Variants in PTH2R observed in about 807,000 individuals in gnomAD.
PTH2R encodes parathyroid hormone 2 receptor, also known as PTH2 receptor.
PTH2R carries 59 observed loss-of-function variants against 60.3 expected under a neutral mutation model. That is an observed-to-expected ratio of 0.98 (90% confidence interval 0.79 to 1.22). The LOEUF (loss-of-function observed/expected upper bound fraction) is 1.22. PTH2R is among the 50% of genes most tolerant of loss of function. The pLI is 0.00. For missense variants in PTH2R, 749 were observed against 682.6 expected (o/e 1.10, Z -1.08); for synonymous variants, 256 against 243.8 (o/e 1.05, Z -0.47).
intron 1 of PTH2R, among the ~76,000 whole-genome samples, chr2:208,375,875 G>A (rs548213326): frequency 6.6e-6 from 1 of 152,228 alleles, no homozygotes; most frequent in African/African-American, 2.4e-5. Context: ...GAGTAAGAGA[G>A]AGCTGGCTCC....
intron 7 of PTH2R, among the ~76,000 whole-genome samples, chr2:208,449,438 GATAGATAGATAGATAA>G (rs1322849881): frequency 8.7e-4 from 2 of 2,288 alleles, no homozygotes; most frequent in African/African-American, 1.9e-3. Flanking sequence ...GGAGAAATGT[GATAGATAGATAGATAA>G]ATAGATAGAT....
At chr2:208,370,638 T>C (rs1700683066) in intron 1 of PTH2R, among the ~76,000 whole-genome samples, 2 of 151,860 alleles carry the variant, frequency 1.3e-5, no homozygotes, top group African/African-American at 4.9e-5. Context: ...TGCAGATCTC[T>C]TACCTCCCAG....
At chr2:208,440,897 C>T (rs999580601) in intron 4 of PTH2R, among the ~76,000 whole-genome samples, 1 of 152,168 alleles carries the variant, frequency 6.6e-6, no homozygotes, top group African/African-American at 2.4e-5. Context: ...ACAGGGCTCT[C>T]ACAGAGTGAA....
intron 8 of PTH2R, among the ~76,000 whole-genome samples, chr2:208,458,091 T>C (rs1702550755): frequency 6.6e-6 from 1 of 152,210 alleles, no homozygotes; most frequent in Non-Finnish European, 1.5e-5. Context: ...TACTAGTTTC[T>C]TATCATTTCT....
chr2:208,363,374 C>G (rs930106775), intron 1 of PTH2R, among the ~76,000 whole-genome samples: 1 of 152,168 alleles, frequency 6.6e-6, no homozygotes, highest in African/African-American at 2.4e-5. Context: ...CTTCTTATAG[C>G]TGTGGTGTAT....
Position 208,485,315 on chromosome 2 carries a change from G to A in PTH2R, c.1077-3697G>A, listed in dbSNP as rs527578404. Among the ~76,000 whole-genome samples, 44 of 152,200 alleles carry A rather than the reference G, an allele frequency of 2.9e-4. No individual in the cohort carries two copies. In the South Asian group the frequency reaches 7.1e-3, roughly 24 times the overall value. The stretch of plus-strand genomic sequence containing the variant: ...CACCTGACTTCTTTGCATTCCTCTC[G>A]TGGCTTTGCCCTTGGACACAGACCA... On this transcript the variant is annotated intron_variant, in intron 10 of 12. Coordinates refer to ENST00000272847, the MANE Select transcript of PTH2R (RefSeq NM_005048.4).
At chr2:208,402,672 G>A (rs2105825728), upstream of PTH2R, among the ~76,000 whole-genome samples, 1 of 152,274 alleles carries the variant, frequency 6.6e-6, no homozygotes, top group Non-Finnish European at 1.5e-5. Context: ...ATTCTTGGGA[G>A]CATATGCCTT....
At chr2:208,488,736 G>GC (rs746569698) in intron 10 of PTH2R, among the ~76,000 whole-genome samples, 4 of 152,118 alleles carry the variant, frequency 2.6e-5, no homozygotes, top group Admixed American at 6.6e-5. Context: ...AAATATTCAG[G>GC]CATGGTGGCA....
chr2:208,465,451 G>A (rs1419333557), intron 9 of PTH2R, among the ~76,000 whole-genome samples: 1 of 123,268 alleles, frequency 8.1e-6, no homozygotes, highest in African/African-American at 3.1e-5. Context: ...CACCCAGGCT[G>A]GAGTGCAGTG....
chr2:208,394,345 C>T (rs1437397572), intron 1 of PTH2R, among the ~76,000 whole-genome samples: 2 of 152,230 alleles, frequency 1.3e-5, no homozygotes, highest in Non-Finnish European at 2.9e-5. Context: ...ATCTGTTACT[C>T]ATCTAGAAAG....
chr2:208,483,152 A>T (rs1305367358), intron 10 of PTH2R, among the ~76,000 whole-genome samples: 1 of 152,242 alleles, frequency 6.6e-6, no homozygotes, highest in Non-Finnish European at 1.5e-5. Context: ...ACAGTATCCT[A>T]TGCCCATAGA....
chr2:208,377,740 G>A (rs200784683), intron 1 of PTH2R, among the ~76,000 whole-genome samples: 54,649 of 148,138 alleles, frequency 0.37, 10,559 homozygotes, highest in East Asian at 0.52. Context: ...AGACGGGGTC[G>A]CGGCTGGGCA....
intron 2 of PTH2R, among the ~76,000 whole-genome samples, chr2:208,436,821 T>C (rs150258795): frequency 6.8e-4 from 104 of 152,212 alleles, no homozygotes; most frequent in Non-Finnish European, 1.2e-3. Context: ...TCTATAGTTA[T>C]TCTTGAGAAC....
intron 2 of PTH2R, among the ~76,000 whole-genome samples, chr2:208,432,975 C>A (rs1425963938): frequency 6.6e-6 from 1 of 152,144 alleles, no homozygotes; most frequent in African/African-American, 2.4e-5. Flanking sequence ...CACAGAGACA[C>A]CCAGAAACAG....
chr2:208,362,522 AT>A (rs1431138284), intron 1 of PTH2R, among the ~76,000 whole-genome samples: 1 of 152,170 alleles, frequency 6.6e-6, no homozygotes, highest in Non-Finnish European at 1.5e-5. Context: ...ATATAGATAT[AT>A]CTATATCATA....
intron 1 of PTH2R, among the ~76,000 whole-genome samples, chr2:208,392,541 T>C (rs893659439): frequency 6.6e-6 from 1 of 152,196 alleles, no homozygotes; most frequent in Non-Finnish European, 1.5e-5. Context: ...CCTGGGGCTA[T>C]AAGGATACTG....
At chr2:208,423,945 A>T (rs1701805248) in intron 1 of PTH2R, among the ~76,000 whole-genome samples, 1 of 152,140 alleles carries the variant, frequency 6.6e-6, no homozygotes, top group African/African-American at 2.4e-5. Context: ...TAGAAGTAGA[A>T]GTTTTGGTTC....
At chr2:208,478,458 T>C (rs973970821) in intron 9 of PTH2R, among the ~76,000 whole-genome samples, 1 of 152,108 alleles carries the variant, frequency 6.6e-6, no homozygotes, top group African/African-American at 2.4e-5. Flanking sequence ...AGTGTAGCGA[T>C]TTCCACTCTT....
chr2:208,371,938 T>C (rs139749179), intron 1 of PTH2R, among the ~76,000 whole-genome samples: 8 of 152,184 alleles, frequency 5.3e-5, no homozygotes, highest in African/African-American at 1.9e-4. Flanking sequence ...GATTGATTGA[T>C]TGAGATGGAG....
Sources: allele counts gnomAD v4.1 joint callset (sites outside exome capture counted in the v4.1 genomes callset), GRCh38; gene constraint gnomAD v4.1.1; transcripts MANE v1.5; gene names NCBI Gene and HGNC (gene_info 2026-07-23, HGNC 2026-07-21).